The following NHSL2 variants were observed in gnomAD, a reference collection of about 807,000 sequenced individuals.
The protein encoded by NHSL2 is NHS-like protein 2.
Under a neutral mutation model 53.4 loss-of-function variants are expected in NHSL2, and 27 were observed. The observed-to-expected ratio is 0.51, with a 90% confidence interval of 0.37 to 0.70. NHSL2 has a LOEUF of 0.70. Among genes scored for constraint, NHSL2 ranks in the 30% least tolerant of loss-of-function variants. The probability of loss-of-function intolerance (pLI) is 0.00; values close to 1 mark genes in which losing one functional copy is unlikely to be tolerated. For missense variants in NHSL2, 892 were observed against 980.1 expected (o/e 0.91, Z 1.20); for synonymous variants, 408 against 404.1 (o/e 1.01, Z -0.12).
intron 1 of NHSL2, among the ~76,000 whole-genome samples, chrX:71,922,349 G>GC (rs2041663775): frequency 9.0e-6 from 1 of 111,374 alleles, no homozygotes; most frequent in African/African-American, 3.3e-5. Flanking sequence ...CCTGTCAGCA[G>GC]CCCCCCTGGG....
At chrX:71,989,912 C>G (rs747883686) in intron 1 of NHSL2, among the ~76,000 whole-genome samples, 1 of 112,650 alleles carries the variant, frequency 8.9e-6, no homozygotes, top group Non-Finnish European at 1.9e-5. Context: ...AGAAGTCCCA[C>G]GTGGTCCCTG....
At chrX:72,048,669 A>G (rs1483659878) in intron 1 of NHSL2, among the ~76,000 whole-genome samples, 1 of 110,079 alleles carries the variant, frequency 9.1e-6, no homozygotes, top group Admixed American at 9.7e-5. Context: ...AATGTTGTCA[A>G]TATTTCCTGT....
At chrX:72,074,552 A>G (rs928115332) in intron 1 of NHSL2, among the ~76,000 whole-genome samples, 29 of 112,336 alleles carry the variant, frequency 2.6e-4, no homozygotes, top group Non-Finnish European at 4.5e-4. Context: ...ATTGGGGCCA[A>G]TCGTGATATG....
rs769640865 is a variant in NHSL2, at chrX:72,025,889, A to G, written c.281-106190A>G. Among the ~76,000 whole-genome samples the G allele has an allele frequency of 4.5e-5, 5 of 112,202 alleles. No homozygotes were observed. The South Asian group carries it at 1.9e-3, about 42-fold the overall frequency. ...TTGCTGTTTGTGTACTCTTGGACCC[A>G]TTGCTTAACCTCTTGATGCCTCAGT... On this transcript the variant is annotated intron_variant, in intron 1 of 7. Coordinates refer to ENST00000633930, the MANE Select transcript of NHSL2 (RefSeq NM_001013627.3).
At chrX:72,069,611 T>TAGG (rs1206877283) in intron 1 of NHSL2, 61 of 706,024 alleles carry the variant, frequency 8.6e-5, no homozygotes, top group Middle Eastern at 5.7e-4. Flanking sequence ...GGAGGAGGAG[T>TAGG]AGGAGGAGGA....
chrX:72,131,377 C>T (rs765450814), intron 1 of NHSL2: 2 of 1,210,220 alleles, frequency 1.7e-6, no homozygotes, highest in East Asian at 5.9e-5. Flanking sequence ...TACTGGCCAG[C>T]GGATGTAGCT....
chrX:72,016,843 A>G (rs934331828), intron 1 of NHSL2, among the ~76,000 whole-genome samples: 7 of 112,184 alleles, frequency 6.2e-5, no homozygotes, highest in Non-Finnish European at 1.3e-4. Flanking sequence ...GATCACAAAC[A>G]AACCAACCCA....
intron 1 of NHSL2, among the ~76,000 whole-genome samples, chrX:71,958,206 C>A (rs2041851983): frequency 9.0e-6 from 1 of 110,784 alleles, no homozygotes; most frequent in African/African-American, 3.3e-5. Context: ...AGTGATAGTC[C>A]TAGAGCCTCA....
At chrX:72,045,324 G>A (rs1032878931) in intron 1 of NHSL2, among the ~76,000 whole-genome samples, 2 of 112,253 alleles carry the variant, frequency 1.8e-5, no homozygotes, top group African/African-American at 6.5e-5. Context: ...GAGGGAAGGA[G>A]GGGCTGGCAG....
At chrX:72,130,103 G>C (rs2042271469) in intron 1 of NHSL2, 1 of 1,208,644 alleles carries the variant, frequency 8.3e-7, no homozygotes, top group Non-Finnish European at 1.1e-6. Flanking sequence ...CCAGAAGTCT[G>C]GGATGACGCG....
chrX:71,933,843 G>C (rs111348896), intron 1 of NHSL2, among the ~76,000 whole-genome samples: 1,346 of 111,383 alleles, frequency 0.012, 22 homozygotes, highest in African/African-American at 0.041. Context: ...TCCAGCCACT[G>C]AGCCAAAATC....
chrX:72,129,581 A>G (rs1280010271), intron 1 of NHSL2: 13 of 375,620 alleles, frequency 3.5e-5, no homozygotes, highest in African/African-American at 2.8e-4. Flanking sequence ...TCGTGGCCGG[A>G]CTGAGCAGAG....
At chrX:72,080,850 G>A (rs2041786069) in intron 1 of NHSL2, among the ~76,000 whole-genome samples, 1 of 111,832 alleles carries the variant, frequency 8.9e-6, no homozygotes, top group South Asian at 3.7e-4. Context: ...AAGGGACCAA[G>A]AGCTTTCTAA....
In NHSL2 at chrX:72,091,189, C is replaced by T. The variant is rs2041894275; in HGVS notation, c.281-40890C>T. Among the ~76,000 whole-genome samples, 4 of 112,443 alleles carry T rather than the reference C, an allele frequency of 3.6e-5. No homozygotes were observed. In the Admixed American group the frequency reaches 3.7e-4, roughly 11 times the overall value. ...TGACAGTTAGCCGGGCGCAGTGGCTCACGCCTGTAATCCCAGCACTTTGGG... is the reference window on the plus strand; with the variant it reads ...TGACAGTTAGCCGGGCGCAGTGGCTTACGCCTGTAATCCCAGCACTTTGGG... On this transcript the variant is annotated intron_variant, in intron 1 of 7. Transcript: ENST00000633930.
intron 4 of NHSL2, among the ~76,000 whole-genome samples, chrX:72,135,313 G>A (rs1602398830): frequency 8.9e-6 from 1 of 111,974 alleles, no homozygotes; most frequent in African/African-American, 3.3e-5. Context: ...AGTGGGGAAC[G>A]TGCTGTATTA....
At position 72,140,314 on chromosome X, in the gene NHSL2, G is replaced by C. The variant is rs763084778; in HGVS notation, c.2766G>C (p.Thr922=). 2 of 1,210,906 alleles carry C rather than the reference G, an allele frequency of 1.7e-6. No individual in the cohort carries two copies. Among genetic ancestry groups the C allele is most frequent in the Non-Finnish European group, 2.2e-6 (2 of 894,942 alleles). The change falls in exon 6 of 8, where the codon ACG becomes ACC. Residue 922 remains threonine (T), a synonymous_variant. Transcript: ENST00000633930. ...HARPLPQDSY[T]VVRKPKPSSF... Reference sequence around the variant, plus strand: ...GACCACTCCCTCAAGACAGCTACACGGTAGTGCGGAAACCAAAGCCCTCCA... The same window carrying C: ...GACCACTCCCTCAAGACAGCTACACCGTAGTGCGGAAACCAAAGCCCTCCA...
At chrX:72,094,908 C>T (rs770962295) in intron 1 of NHSL2, among the ~76,000 whole-genome samples, 3 of 112,104 alleles carry the variant, frequency 2.7e-5, no homozygotes, top group Non-Finnish European at 3.8e-5. Context: ...ACCATTGCAA[C>T]GCAGGGTGCA....
At chrX:72,141,564 C>G (rs961307136) in intron 6 of NHSL2, among the ~76,000 whole-genome samples, 1 of 111,617 alleles carries the variant, frequency 9.0e-6, no homozygotes, top group Non-Finnish European at 1.9e-5. Flanking sequence ...CCGCAGATTC[C>G]TCCCTCCAAC....
intron 1 of NHSL2, chrX:72,130,914 T>A (rs758354841): frequency 1.2e-5 from 14 of 1,211,989 alleles, no homozygotes; most frequent in Non-Finnish European, 1.6e-5. Flanking sequence ...AGGGGCTTCC[T>A]TCCTGGGTGA....
Sources: gnomAD v4.1 joint callset for allele counts (sites outside exome capture counted in the v4.1 genomes callset) on GRCh38, gnomAD v4.1.1 for gene constraint, MANE v1.5 for transcripts, NCBI Gene and HGNC (gene_info 2026-07-23, HGNC 2026-07-21) for gene names.